The following APBB2 variants were observed in gnomAD, a reference collection of about 807,000 sequenced individuals.
APBB2 encodes the protein Fe65-like 1.
Under a neutral mutation model 82.5 loss-of-function variants are expected in APBB2, and 38 were observed. That is an observed-to-expected ratio of 0.46 (90% CI 0.36 to 0.60). APBB2 has a LOEUF of 0.60. Ranked by LOEUF, APBB2 falls within the 20% of genes least tolerant of loss-of-function variation. The pLI, the probability that APBB2 is intolerant of heterozygous loss-of-function variation, is 0.00. For synonymous variants in APBB2, 341 were observed against 368.2 expected (o/e 0.93, Z 0.85); for missense variants, 772 against 972.3 (o/e 0.79, Z 2.74).
chr4:41,015,401 G>C (rs2154430511), intron 5 of APBB2, among the ~76,000 whole-genome samples: 1 of 152,198 alleles, frequency 6.6e-6, no homozygotes, highest in African/African-American at 2.4e-5. Context: ...CAGAGACTTT[G>C]GTGATCTCTA....
chr4:40,906,485 AAAAG>A (rs1776776590), intron 10 of APBB2, among the ~76,000 whole-genome samples: 9 of 146,366 alleles, frequency 6.1e-5, no homozygotes, highest in Admixed American at 2.1e-4. Context: ...AAAAAAAAAA[AAAAG>A]AAAAGAAAAG....
At position 41,093,564 on chromosome 4, in the gene APBB2, G is replaced by A. The variant is rs57155376; in HGVS notation, c.-149+7075C>T. Among the ~76,000 whole-genome samples the A allele has an allele frequency of 8.4e-3, 1,281 of 151,966 alleles. 16 individuals are homozygous for A. The highest frequency in any genetic ancestry group is 0.028 in the African/African-American group (1,153 of 41,448). ...TTTCTTGCCAAGGGTTAAAAAGTTCGTAAGAAGGGCCGGGCGCGGTGGCTC... is the reference window on the plus strand; with the variant it reads ...TTTCTTGCCAAGGGTTAAAAAGTTCATAAGAAGGGCCGGGCGCGGTGGCTC... On this transcript the variant is annotated intron_variant, in intron 3 of 17. Coordinates refer to ENST00000508593, the MANE Select transcript of APBB2 (RefSeq NM_004307.2).
intron 1 of APBB2, among the ~76,000 whole-genome samples, chr4:41,158,338 G>T (rs964882262): frequency 1.4e-4 from 22 of 152,232 alleles, no homozygotes; most frequent in African/African-American, 4.3e-4. Flanking sequence ...CTCAGAAAAG[G>T]ATTCCTATTT....
At chr4:40,893,558 C>G in intron 10 of APBB2, 147 bp from the exon 11 acceptor site, 1 of 700,692 alleles carries the variant, frequency 1.4e-6, no homozygotes, top group South Asian at 3.1e-5. Flanking sequence ...ATTGAGTTAA[C>G]AAATCCTCTA....
chr4:40,882,262 AGAG>A (rs556474316), intron 12 of APBB2, among the ~76,000 whole-genome samples: 501 of 152,358 alleles, frequency 3.3e-3, no homozygotes, highest in Middle Eastern at 0.017. Context: ...TTGAGGGAAC[AGAG>A]GAGAGAGGTT....
chr4:41,082,548 C>T (rs1298125712), intron 3 of APBB2, among the ~76,000 whole-genome samples: 1 of 150,034 alleles, frequency 6.7e-6, no homozygotes, highest in African/African-American at 2.5e-5. Context: ...GTTCAGGAGG[C>T]TTCTACAAAG....
At chr4:41,011,169 T>G (rs1808256974) in intron 6 of APBB2, among the ~76,000 whole-genome samples, 1 of 151,830 alleles carries the variant, frequency 6.6e-6, no homozygotes, top group Non-Finnish European at 1.5e-5. Context: ...TAATTTTAAT[T>G]TAATTTAATT....
At chr4:40,981,617 A>G (rs1798492179) in intron 6 of APBB2, among the ~76,000 whole-genome samples, 1 of 152,146 alleles carries the variant, frequency 6.6e-6, no homozygotes, top group South Asian at 2.1e-4. Context: ...TGATTAGTTC[A>G]TTTGGGTTGT....
chr4:40,828,109 T>C (rs569675859), intron 13 of APBB2, among the ~76,000 whole-genome samples: 5 of 152,324 alleles, frequency 3.3e-5, no homozygotes, highest in Admixed American at 1.3e-4. Flanking sequence ...TGTGAGTTCA[T>C]TAAACTTCTT....
At chr4:41,105,854 C>T (rs996239674) in intron 2 of APBB2, among the ~76,000 whole-genome samples, 2 of 150,608 alleles carry the variant, frequency 1.3e-5, no homozygotes, top group Non-Finnish European at 2.9e-5. Flanking sequence ...CCACTGCACT[C>T]CAGCCTGGGC....
intron 6 of APBB2, among the ~76,000 whole-genome samples, chr4:40,989,642 AC>A (rs1241374643): frequency 1.3e-5 from 2 of 152,158 alleles, no homozygotes; most frequent in African/African-American, 4.8e-5. Flanking sequence ...ACTCCAATAA[AC>A]AATTTATCAT....
In APBB2 at chr4:41,172,104, CAATA is replaced by C. The variant is rs966274968; in HGVS notation, c.-416-28966_-416-28963del. Among the ~76,000 whole-genome samples the C allele has an allele frequency of 7.9e-5, 12 of 152,156 alleles. No individual in the cohort carries two copies. In the East Asian group the frequency reaches 1.9e-3, roughly 25 times the overall value. ...GACAAAGCGAGACTCCATCTCGAAA[CAATA>C]AATAAATAAATAACCCCTTTAAAGT... On this transcript the variant is annotated intron_variant, in intron 1 of 17. Coordinates refer to ENST00000508593, the MANE Select transcript of APBB2 (RefSeq NM_004307.2).
At chr4:41,041,222 G>A (rs1721353927) in intron 4 of APBB2, among the ~76,000 whole-genome samples, 1 of 152,040 alleles carries the variant, frequency 6.6e-6, no homozygotes, top group Admixed American at 6.5e-5. Context: ...GGGTTTTAAA[G>A]TCAGAAAATA....
At chr4:40,954,897 C>T (rs370350087) in intron 6 of APBB2, among the ~76,000 whole-genome samples, 1 of 152,102 alleles carries the variant, frequency 6.6e-6, no homozygotes, top group South Asian at 2.1e-4. Context: ...GTGATCCGCC[C>T]GCCTCGGCCT....
rs939006990 is a variant in APBB2, at chr4:40,911,307, G to A, written c.1255-17896C>T. 7.2e-5 allele frequency among the ~76,000 whole-genome samples: 11 copies of A among 152,108 alleles called. 1 individual carries two copies. The highest frequency in any genetic ancestry group is 3.3e-4 in the Admixed American group (5 of 15,276). On this transcript the variant is annotated intron_variant, in intron 10 of 17. Coordinates refer to ENST00000508593, the MANE Select transcript of APBB2 (RefSeq NM_004307.2). The stretch of plus-strand genomic sequence containing the variant: ...TCGGGGGTCCTGGCATCAATCCTCC[G>A]CATGTACTGGGGGATGACTGTGCTT...
intron 2 of APBB2, among the ~76,000 whole-genome samples, chr4:41,132,626 C>A (rs558795984): frequency 5.9e-5 from 9 of 152,184 alleles, no homozygotes; most frequent in Non-Finnish European, 1.3e-4. Context: ...CACACTTCAG[C>A]AAGATTGAAT....
chr4:41,111,317 C>T (rs1045923925), intron 2 of APBB2, among the ~76,000 whole-genome samples: 1 of 152,196 alleles, frequency 6.6e-6, no homozygotes. Flanking sequence ...AAGAGTGCTT[C>T]CAAATTTTAA....
intron 10 of APBB2, among the ~76,000 whole-genome samples, chr4:40,922,653 C>T (rs545767211): frequency 6.6e-6 from 1 of 152,312 alleles, no homozygotes; most frequent in Admixed American, 6.5e-5. Flanking sequence ...TTCTGTTGGC[C>T]AGGCTGGAGT....
Position 40,823,714 on chromosome 4 carries a change from G to A in APBB2, c.1862C>T (p.Ser621Phe), listed in dbSNP as rs745627935. 65 of 1,613,730 alleles carry A rather than the reference G, an allele frequency of 4.0e-5. No homozygotes were observed. The highest frequency in any genetic ancestry group is 4.4e-5 in the Non-Finnish European group (52 of 1,179,980). ...CACTGACAGCCAGTCCTCCTTGTTG[G>A]ATGAGGTCATAAGATTTTCTATGGC... Reference protein sequence around the residue: ...NSAIENLMTSSNKEDWLSVNM... With the variant: ...NSAIENLMTSFNKEDWLSVNM... The change falls in exon 16 of 18, where the codon TCC (serine) becomes TTC (phenylalanine). Residue 621 changes from serine to phenylalanine, a missense_variant. Coordinates refer to ENST00000508593, the MANE Select transcript of APBB2 (RefSeq NM_004307.2).
Sources: allele counts gnomAD v4.1 joint callset (sites outside exome capture counted in the v4.1 genomes callset), GRCh38; gene constraint gnomAD v4.1.1; transcripts MANE v1.5; gene names NCBI Gene and HGNC (gene_info 2026-07-23, HGNC 2026-07-21).